MCU: variants seen among roughly 807,000 people sequenced by gnomAD.
MCU encodes mitochondrial calcium uniporter.
MCU carries 12 observed loss-of-function variants against 45.2 expected under a neutral mutation model. That is an observed-to-expected ratio of 0.27 (90% CI 0.17 to 0.43). The LOEUF is 0.43. Among genes scored for constraint, MCU ranks in the 20% least tolerant of loss-of-function variants. The pLI, the probability that MCU is intolerant of heterozygous loss-of-function variation, is 1.00. For synonymous variants in MCU, 160 were observed against 165.1 expected, an observed-to-expected ratio of 0.97 and a Z score of 0.24; for missense variants, 324 against 436.7, an observed-to-expected ratio of 0.74 and a Z score of 2.30.
intron 1 of MCU, among the ~76,000 whole-genome samples, chr10:72,806,435 C>T (rs1844452448): frequency 6.6e-6 from 1 of 152,166 alleles, no homozygotes; most frequent in Non-Finnish European, 1.5e-5. Flanking sequence ...GCTGGAATTA[C>T]AGGCGTGAGC....
rs889877677 is a variant in MCU, at chr10:72,692,673, T to G, written c.150+372T>G. On this transcript the variant is annotated intron_variant, in intron 1 of 7. Transcript: ENST00000373053. ...TCCCTGAACGGAGCCAGATGGAAGT[T>G]GTCCCCTTTCCCTCCTCCTCCGGGC... is the stretch of plus-strand genomic sequence containing the variant. 1.2e-5 allele frequency: 14 copies of G among 1,201,254 alleles called. No individual in the cohort carries two copies. In the African/African-American group the frequency reaches 1.9e-4, roughly 16 times the overall value. The allele number at this position is 1,201,254 out of a possible 1,614,324, so 74.4% of individuals were successfully genotyped here.
intron 1 of MCU, among the ~76,000 whole-genome samples, chr10:72,769,957 A>G (rs1164837330): frequency 6.6e-6 from 1 of 152,154 alleles, no homozygotes; most frequent in Non-Finnish European, 1.5e-5. Flanking sequence ...TCTGAGCACC[A>G]CTTTAGCTGC....
At chr10:72,705,122 C>G (rs959584973) in intron 1 of MCU, among the ~76,000 whole-genome samples, 1 of 152,040 alleles carries the variant, frequency 6.6e-6, no homozygotes, top group African/African-American at 2.4e-5. Flanking sequence ...TTTGGCCTCC[C>G]AAAGTGCTGG....
rs1263994265 is a variant in MCU at position 72,824,692 on chromosome 10, A to G, written c.151-9667A>G. Among the ~76,000 whole-genome samples the G allele has an allele frequency of 2.6e-5, 4 of 152,164 alleles. No homozygotes were observed. In the South Asian group the frequency reaches 8.3e-4, roughly 31 times the overall value. ...TCTCTTTTTGTATTTTTTTCTTTTC[A>G]TGGTATGAGTTTCACACTCAAACAA... On this transcript the variant is annotated intron_variant, in intron 1 of 7. Transcript: ENST00000373053.
At chr10:72,872,021 T>G (rs1845549367) in intron 6 of MCU, among the ~76,000 whole-genome samples, 1 of 152,184 alleles carries the variant, frequency 6.6e-6, no homozygotes, top group Admixed American at 6.5e-5. Context: ...TAAACTAAAC[T>G]CAGAAATCCT....
intron 4 of MCU, chr10:72,861,751 C>A: frequency 2.9e-6 from 1 of 342,250 alleles, no homozygotes; most frequent in South Asian, 2.1e-5. Context: ...CCTGCCTCAG[C>A]CTCCCAAAGT....
chr10:72,871,405 A>G lies in MCU; in HGVS notation c.686A>G (p.Glu229Gly). The G allele has an allele frequency of 6.2e-7, 1 of 1,614,114 alleles. No individual in the cohort carries two copies. Among genetic ancestry groups the G allele is most frequent in the African/African-American group, 1.3e-5 (1 of 75,022 alleles). The part of the protein sequence containing the change: ...KVRIEISRKA[E>G]KRTTLVLWGG... ...CGAATTGAGATTAGCAGAAAAGCTG[A>G]GAAGAGGACCACTTTGGTGCTATGG... Residue 229 changes from glutamate to glycine, a missense_variant, in exon 6 of 8, where the codon GAG becomes GGG. Physicochemically the swap from Glu to Gly is moderately conservative, Grantham distance 98 (BLOSUM62 -2). Around this residue, in one of 4 missense-constraint regions of MCU, gnomAD observed 135 missense variants for 207.3 expected, o/e 0.65. Transcript: ENST00000373053.
intron 1 of MCU, among the ~76,000 whole-genome samples, chr10:72,825,030 G>A (rs1243327899): frequency 6.6e-6 from 1 of 152,030 alleles, no homozygotes; most frequent in African/African-American, 2.4e-5. Flanking sequence ...ACATGGGAGT[G>A]TACATTACTG....
chr10:72,692,822 C>T (rs572544668), intron 1 of MCU: 4 of 1,422,510 alleles, frequency 2.8e-6, no homozygotes, highest in Admixed American at 2.9e-5. Flanking sequence ...CTCGTCCTCT[C>T]TCGTCCCCGA....
chr10:72,858,600 A>T (rs1018576424), intron 2 of MCU, among the ~76,000 whole-genome samples: 2 of 152,162 alleles, frequency 1.3e-5, no homozygotes, highest in African/African-American at 4.8e-5. Flanking sequence ...CTGAGAACTT[A>T]GCTTTAAAGG....
At chr10:72,778,903 A>G (rs975239099) in intron 1 of MCU, among the ~76,000 whole-genome samples, 3 of 152,228 alleles carry the variant, frequency 2.0e-5, no homozygotes, top group Admixed American at 6.5e-5. Flanking sequence ...AGCAACAGTA[A>G]TGAAAACAGT....
At chr10:72,882,519 C>A (rs1412535035) in intron 6 of MCU, among the ~76,000 whole-genome samples, 1 of 152,138 alleles carries the variant, frequency 6.6e-6, no homozygotes, top group Non-Finnish European at 1.5e-5. Flanking sequence ...TGGCCGTCTT[C>A]TATGGTCGAA....
chr10:72,705,368 T>A (rs940986961), intron 1 of MCU, among the ~76,000 whole-genome samples: 2 of 152,204 alleles, frequency 1.3e-5, no homozygotes, highest in Admixed American at 6.5e-5. Flanking sequence ...TGTGTAGCAT[T>A]ATGAAAATAT....
At chr10:72,819,013 ATC>A (rs1291332705) in intron 1 of MCU, among the ~76,000 whole-genome samples, 1 of 152,106 alleles carries the variant, frequency 6.6e-6, no homozygotes, top group Non-Finnish European at 1.5e-5. Context: ...ACTCTGTTGT[ATC>A]TCTGTTATGT....
At chr10:72,857,556 G>A (rs1023701391) in intron 2 of MCU, among the ~76,000 whole-genome samples, 3 of 151,796 alleles carry the variant, frequency 2.0e-5, no homozygotes, top group African/African-American at 7.3e-5. Context: ...TTTTATATAC[G>A]AAAAAAGTGA....
chr10:72,786,414 G>A lies in MCU; in HGVS notation c.151-47945G>A, dbSNP rs1287720858. ...GTTTTCTCATTGGAAGAACTGGAATGTAAGTTACTAATTTACAGATTTGTT... is the reference window on the plus strand; with the variant it reads ...GTTTTCTCATTGGAAGAACTGGAATATAAGTTACTAATTTACAGATTTGTT... On this transcript the variant is annotated intron_variant, in intron 1 of 7. Transcript: ENST00000373053. Among the ~76,000 whole-genome samples, 9 of 152,174 alleles carry A rather than the reference G, an allele frequency of 5.9e-5. No homozygotes were observed. The South Asian group carries it at 6.2e-4, about 11-fold the overall frequency.
chr10:72,829,613 TA>T (rs35278093), intron 1 of MCU, among the ~76,000 whole-genome samples: 66,984 of 142,878 alleles, frequency 0.47, 19,077 homozygotes, highest in Non-Finnish European at 0.67. Flanking sequence ...AAGTAAAGGG[TA>T]AAAAAAAAAA....
chr10:72,746,873 G>C lies in MCU; in HGVS notation c.150+54572G>C, dbSNP rs373051448. Among the ~76,000 whole-genome samples, 52 of 152,250 alleles carry C rather than the reference G, an allele frequency of 3.4e-4. 1 individual carries two copies. In the East Asian group the frequency reaches 5.0e-3, roughly 15 times the overall value. On this transcript the variant is annotated intron_variant, in intron 1 of 7. Coordinates refer to ENST00000373053, the MANE Select transcript of MCU (RefSeq NM_138357.3). ...GTGACTAATTTATGATCTCTATCTA[G>C]AAGTTTGGTAAACACTTAGTGGTAG...
chr10:72,813,706 G>A (rs1354380056), intron 1 of MCU, among the ~76,000 whole-genome samples: 5 of 151,936 alleles, frequency 3.3e-5, no homozygotes, highest in South Asian at 2.1e-4. Flanking sequence ...TGATCTGCCC[G>A]CCTCAGCCTC....
Sources: allele counts gnomAD v4.1 joint callset (sites outside exome capture counted in the v4.1 genomes callset), GRCh38; gene constraint gnomAD v4.1.1; regional missense constraint gnomAD v4.1.1; transcripts MANE v1.5; gene names NCBI Gene and HGNC (gene_info 2026-07-23, HGNC 2026-07-21).